Variants in FARS2 observed in about 807,000 individuals in gnomAD.
The protein encoded by FARS2 is phenylalanine--tRNA ligase, mitochondrial.
FARS2 carries 40 observed loss-of-function variants against 46.4 expected under a neutral mutation model. That is an observed-to-expected ratio of 0.86 (90% CI 0.67 to 1.12). The LOEUF is 1.12. FARS2 is among the 50% of genes most tolerant of loss of function. The pLI is 0.00. For missense variants in FARS2, 513 were observed against 567.9 expected (o/e 0.90, Z 0.98); for synonymous variants, 234 against 214.9 (o/e 1.09, Z -0.78).
chr6:5,699,560 T>G (rs1039988029), intron 6 of FARS2, among the ~76,000 whole-genome samples: 3 of 151,034 alleles, frequency 2.0e-5, no homozygotes, highest in South Asian at 2.1e-4. Context: ...CAGGCTGGAG[T>G]GCAGTGGCGC....
At chr6:5,491,473 C>T (rs1767105581) in intron 4 of FARS2, among the ~76,000 whole-genome samples, 1 of 152,094 alleles carries the variant, frequency 6.6e-6, no homozygotes, top group East Asian at 1.9e-4. Context: ...CCTAAAGTGA[C>T]GTCGAGTTAA....
At chr6:5,744,503 A>G (rs1761530520) in intron 6 of FARS2, among the ~76,000 whole-genome samples, 1 of 152,222 alleles carries the variant, frequency 6.6e-6, no homozygotes, top group South Asian at 2.1e-4. Context: ...TAACTTTTCC[A>G]GATCACAGGA....
chr6:5,539,402 ATATATT>A (rs1770458542), intron 4 of FARS2, among the ~76,000 whole-genome samples: 3 of 143,908 alleles, frequency 2.1e-5, no homozygotes, highest in Admixed American at 1.4e-4. Flanking sequence ...ATATATATGT[ATATATT>A]TTTTTAGTAG....
At chr6:5,709,699 C>CGCGCGCATGCACGTGCATGTTGGGGGGG (rs1561814147) in intron 6 of FARS2, among the ~76,000 whole-genome samples, 1 of 37,374 alleles carries the variant, frequency 2.7e-5, no homozygotes, top group African/African-American at 9.9e-5. Context: ...TGTGTGTGTG[C>CGCGCGCATGCACGTGCATGTTGGGGGGG]GCATGCACGT....
chr6:5,559,173 C>T (rs1413500127), intron 5 of FARS2, among the ~76,000 whole-genome samples: 1 of 151,396 alleles, frequency 6.6e-6, no homozygotes, highest in Non-Finnish European at 1.5e-5. Context: ...GAGGCTGAAG[C>T]GGGAAGATCG....
intron 1 of FARS2, among the ~76,000 whole-genome samples, chr6:5,310,247 AG>A (rs1484034402): frequency 1.3e-5 from 2 of 152,200 alleles, no homozygotes; most frequent in African/African-American, 4.8e-5. Context: ...GATAGATAAA[AG>A]ATTTAAACAT....
chr6:5,398,581 A>G (rs1761041724), intron 2 of FARS2, among the ~76,000 whole-genome samples: 2 of 152,142 alleles, frequency 1.3e-5, no homozygotes, highest in Non-Finnish European at 2.9e-5. Context: ...CTTTTTTATT[A>G]AAGAATGGTA....
intron 6 of FARS2, among the ~76,000 whole-genome samples, chr6:5,687,277 C>T (rs1337673744): frequency 6.6e-6 from 1 of 152,178 alleles, no homozygotes; most frequent in African/African-American, 2.4e-5. Flanking sequence ...CTTGCCCATG[C>T]CTATGCCCTG....
At chr6:5,329,354 A>G (rs73718071) in intron 1 of FARS2, among the ~76,000 whole-genome samples, 57 of 152,378 alleles carry the variant, frequency 3.7e-4, no homozygotes, top group African/African-American at 1.1e-3. Context: ...TGAATTCACC[A>G]GTATTTTTCA....
At chr6:5,317,780 C>CA (rs767858271) in intron 1 of FARS2, among the ~76,000 whole-genome samples, 2,541 of 139,194 alleles carry the variant, frequency 0.018, 22 homozygotes, top group Non-Finnish European at 0.022. Context: ...GACCCTATCT[C>CA]AAAAAAAAAA....
intron 1 of FARS2, among the ~76,000 whole-genome samples, chr6:5,306,973 TATCTAAG>T (rs888039114): frequency 3.2e-4 from 48 of 152,304 alleles, no homozygotes; most frequent in African/African-American, 1.1e-3. Context: ...AGAGAAAACT[TATCTAAG>T]ACCCCTCCAA....
chr6:5,314,456 T>G (rs1769305353), intron 1 of FARS2, among the ~76,000 whole-genome samples: 1 of 152,176 alleles, frequency 6.6e-6, no homozygotes, highest in Non-Finnish European at 1.5e-5. Context: ...CTACCAGACC[T>G]GCTGAACCAA....
chr6:5,746,556 G>A (rs1467915311), intron 6 of FARS2, among the ~76,000 whole-genome samples: 1 of 151,900 alleles, frequency 6.6e-6, no homozygotes, highest in South Asian at 2.1e-4. Flanking sequence ...TCCTTGGGCC[G>A]AGGGCTTCAG....
At chr6:5,643,137 A>G (rs947287168) in intron 6 of FARS2, among the ~76,000 whole-genome samples, 2 of 152,230 alleles carry the variant, frequency 1.3e-5, no homozygotes, top group African/African-American at 4.8e-5. Context: ...CTTCATTCTA[A>G]AAAAATTCCT....
At chr6:5,537,879 C>CT (rs1236608607) in intron 4 of FARS2, among the ~76,000 whole-genome samples, 12 of 151,464 alleles carry the variant, frequency 7.9e-5, no homozygotes, top group Admixed American at 2.6e-4. Context: ...TTCTCCTCTC[C>CT]TTTTTTTTTA....
chr6:5,515,193 G>A (rs1343993790), intron 4 of FARS2, among the ~76,000 whole-genome samples: 7 of 152,018 alleles, frequency 4.6e-5, no homozygotes, highest in Non-Finnish European at 8.8e-5. Flanking sequence ...AAACTTTTTT[G>A]TAATTCTGGA....
chr6:5,661,489 C>A (rs1450781235), intron 6 of FARS2, among the ~76,000 whole-genome samples: 1 of 152,110 alleles, frequency 6.6e-6, no homozygotes, highest in Non-Finnish European at 1.5e-5. Context: ...CCTTGGTGGC[C>A]AGATAGAGGA....
chr6:5,275,132 T>G (rs4141760), intron 1 of FARS2, among the ~76,000 whole-genome samples: 122,900 of 152,204 alleles, frequency 0.81, 50,036 homozygotes, highest in African/African-American at 0.91. Context: ...TGGTTGCGAA[T>G]CACTGGGATA....
chr6:5,513,317 A>G (rs12204218), intron 4 of FARS2, among the ~76,000 whole-genome samples: 33,890 of 152,124 alleles, frequency 0.22, 5,044 homozygotes, highest in Non-Finnish European at 0.32. Context: ...TTGTATCCAC[A>G]TTAACTTGAG....
Sources: gnomAD v4.1 joint callset for allele counts (sites outside exome capture counted in the v4.1 genomes callset) on GRCh38, gnomAD v4.1.1 for gene constraint, MANE v1.5 for transcripts, NCBI Gene and HGNC (gene_info 2026-07-23, HGNC 2026-07-21) for gene names.